The following PTPRC variants were observed in gnomAD, a reference collection of about 807,000 sequenced individuals.
PTPRC encodes the protein protein tyrosine phosphatase receptor type C.
PTPRC carries 44 observed loss-of-function variants against 155.9 expected under a neutral mutation model. The observed-to-expected ratio is 0.28, with a 90% CI of 0.22 to 0.36. The LOEUF (loss-of-function observed/expected upper bound fraction) is 0.36, where lower values mean the gene tolerates loss of function less well. PTPRC is among the 10% of genes least tolerant of loss of function. The pLI, the probability that PTPRC is intolerant of heterozygous loss-of-function variation, is 1.00. For missense variants in PTPRC, 1,401 were observed against 1,564.6 expected (o/e 0.90, Z 1.76); for synonymous variants, 525 against 533.1 (o/e 0.98, Z 0.21).
At chr1:198,699,898 G>T (rs377711817) in intron 5 of PTPRC, 194 bp downstream of exon 5, 3 of 698,176 alleles carry the variant, frequency 4.3e-6, no homozygotes, top group Non-Finnish European at 7.2e-6. Flanking sequence ...AAATAATAGT[G>T]AGAATTGTGA....
intron 2 of PTPRC, among the ~76,000 whole-genome samples, chr1:198,647,715 A>G (rs1297327864): frequency 4.6e-5 from 7 of 152,036 alleles, no homozygotes; most frequent in Admixed American, 3.3e-4. Context: ...CTCAGGATCT[A>G]AAAACTTTTT....
intron 8 of PTPRC, among the ~76,000 whole-genome samples, chr1:198,706,359 T>C (rs1272254086): frequency 1.3e-5 from 2 of 152,222 alleles, no homozygotes; most frequent in Admixed American, 6.5e-5. Context: ...ATTTCTCAAA[T>C]GCATCATTTA....
At chr1:198,666,170 C>G (rs1482650633) in intron 2 of PTPRC, among the ~76,000 whole-genome samples, 1 of 149,674 alleles carries the variant, frequency 6.7e-6, no homozygotes, top group African/African-American at 2.5e-5. Flanking sequence ...GAAATGGATG[C>G]TGCAGTGAGC....
intron 23 of PTPRC, among the ~76,000 whole-genome samples, chr1:198,739,437 A>G (rs1013043079): frequency 5.3e-5 from 8 of 151,816 alleles, no homozygotes; most frequent in Admixed American, 1.3e-4. Context: ...CTATACTTAT[A>G]TAACACAGGT....
At chr1:198,663,586 A>G (rs912618772) in intron 2 of PTPRC, among the ~76,000 whole-genome samples, 2 of 152,210 alleles carry the variant, frequency 1.3e-5, no homozygotes, top group Admixed American at 6.5e-5. Flanking sequence ...TTCTGAATCC[A>G]CAGCTGACCT....
chr1:198,701,123 A>G (rs1260015919), intron 5 of PTPRC, among the ~76,000 whole-genome samples: 3 of 152,244 alleles, frequency 2.0e-5, no homozygotes, highest in Non-Finnish European at 2.9e-5. Flanking sequence ...CTGGGGATCC[A>G]GAGTGGAAAA....
At chr1:198,685,976 A>T (rs1222057393) in intron 2 of PTPRC, among the ~76,000 whole-genome samples, 1 of 150,144 alleles carries the variant, frequency 6.7e-6, no homozygotes, top group East Asian at 1.9e-4. Context: ...GCGGGGAGGG[A>T]GAACGGGTGA....
intron 3 of PTPRC, among the ~76,000 whole-genome samples, chr1:198,695,822 A>G (rs2102381356): frequency 6.6e-6 from 1 of 152,252 alleles, no homozygotes; most frequent in East Asian, 1.9e-4. Flanking sequence ...TCAGTCCTTT[A>G]CACACATTTT....
At chr1:198,639,818 T>C (rs1379232239) in intron 2 of PTPRC, among the ~76,000 whole-genome samples, 2 of 152,078 alleles carry the variant, frequency 1.3e-5, no homozygotes, top group Non-Finnish European at 2.9e-5. Flanking sequence ...ATTTTGAATT[T>C]AATTGACATA....
Position 198,713,198 on chromosome 1 carries a change from C to T in PTPRC, c.1291+126C>T, listed in dbSNP as rs1283542084. 18 of 1,333,064 alleles carry T rather than the reference C, an allele frequency of 1.4e-5. No individual in the cohort carries two copies. The East Asian group carries it at 4.0e-4, about 29-fold the overall frequency. 82.6% of individuals were successfully genotyped at this position (1,333,064 alleles called of 1,614,324 possible). A position where few individuals can be genotyped will look rare whatever the true frequency, so the allele number is the denominator to read the frequency against. ...AGAGACTGCATAGGCATAGTATACT[C>T]CCTGATCTTAGAATTGCTTCCACTC... is the stretch of plus-strand genomic sequence containing the variant. On this transcript the variant is annotated intron_variant, in intron 12 of 32. Coordinates refer to ENST00000442510, the MANE Select transcript of PTPRC (RefSeq NM_002838.5).
chr1:198,655,521 T>C (rs1385587966), intron 2 of PTPRC, among the ~76,000 whole-genome samples: 1 of 152,056 alleles, frequency 6.6e-6, no homozygotes, highest in Non-Finnish European at 1.5e-5. Context: ...GGATTAGGCA[T>C]TTTGGGACAA....
At chr1:198,648,971 T>A (rs756012029) in intron 2 of PTPRC, among the ~76,000 whole-genome samples, 2 of 151,828 alleles carry the variant, frequency 1.3e-5, no homozygotes, top group Non-Finnish European at 2.9e-5. Flanking sequence ...TTAAACACTT[T>A]GATCATGGAA....
chr1:198,706,754 A>G lies in PTPRC; in HGVS notation c.706A>G (p.Thr236Ala). The G allele has an allele frequency of 6.2e-7, 1 of 1,610,236 alleles. No individual in the cohort carries two copies. Among genetic ancestry groups the G allele is most frequent in the Non-Finnish European group, 8.5e-7 (1 of 1,177,626 alleles). The change falls in exon 9 of 33, where the codon ACT (threonine) becomes GCT (alanine). Residue 236 changes from threonine (T) to alanine (A), a missense_variant. Around this residue, in one of 3 missense-constraint regions of PTPRC, gnomAD observed 867 missense variants for 970.4 expected, o/e 0.89. Coordinates refer to ENST00000442510, the MANE Select transcript of PTPRC (RefSeq NM_002838.5). ...TTTAGATGAAAAATATGCAAACATCACTGTGGATTACTTATATAACAAGGA... is the reference window on the plus strand; with the variant it reads ...TTTAGATGAAAAATATGCAAACATCGCTGTGGATTACTTATATAACAAGGA... ...PTCDEKYANI[T>A]VDYLYNKETK... is the part of the protein sequence containing the mutation.
intron 2 of PTPRC, among the ~76,000 whole-genome samples, chr1:198,651,292 T>TTGTGTG (rs67899145): frequency 0.33 from 49,073 of 147,684 alleles, 8,350 homozygotes; most frequent in East Asian, 0.53. Flanking sequence ...CAGATTGGGA[T>TTGTGTG]TGTGTGTGTG....
intron 2 of PTPRC, among the ~76,000 whole-genome samples, chr1:198,652,624 T>A (rs1204402644): frequency 6.6e-6 from 1 of 151,626 alleles, no homozygotes; most frequent in Non-Finnish European, 1.5e-5. Flanking sequence ...GAAATAGCAT[T>A]CCATCTAGGT....
intron 29 of PTPRC, among the ~76,000 whole-genome samples, chr1:198,751,495 T>C (rs1168683397): frequency 6.6e-6 from 1 of 152,022 alleles, no homozygotes; most frequent in Non-Finnish European, 1.5e-5. Flanking sequence ...CACCCTCACC[T>C]GGTCCCCTTC....
chr1:198,729,430 A>T (rs983760340), intron 17 of PTPRC, among the ~76,000 whole-genome samples: 1 of 151,978 alleles, frequency 6.6e-6, no homozygotes, highest in African/African-American at 2.4e-5. Context: ...TTTAGTAGAG[A>T]TGGGATATCA....
chr1:198,655,768 A>G (rs1008242031), intron 2 of PTPRC, among the ~76,000 whole-genome samples: 9 of 152,068 alleles, frequency 5.9e-5, no homozygotes, highest in Admixed American at 2.0e-4. Flanking sequence ...ACAGCAGCAC[A>G]TTTACCCAAC....
chr1:198,722,465 A>G lies in PTPRC; in HGVS notation c.1709A>G (p.His570Arg). Residue 570 changes from histidine (H) to arginine (R), a missense_variant, in exon 15 of 33, where the codon CAT becomes CGT. Physicochemically the swap from His to Arg is conservative, Grantham distance 29 (BLOSUM62 0). Coordinates refer to ENST00000442510, the MANE Select transcript of PTPRC (RefSeq NM_002838.5). ...DYPGEPFILH[H>R]STSYNSKALI... is the part of the protein sequence containing the mutation. Reference sequence around the variant, plus strand: ...CCTGGAGAACCCTTTATTTTACATCATTCAACATCTTGTAAGTTATCACTG... The same window carrying G: ...CCTGGAGAACCCTTTATTTTACATCGTTCAACATCTTGTAAGTTATCACTG... The G allele has an allele frequency of 1.4e-6, 2 of 1,466,070 alleles. No homozygotes were observed. The highest frequency in any genetic ancestry group is 1.8e-6 in the Non-Finnish European group (2 of 1,100,670). 90.8% of individuals were successfully genotyped at this position (1,466,070 alleles called of 1,614,324 possible).
Sources: gnomAD v4.1 joint callset for allele counts (sites outside exome capture counted in the v4.1 genomes callset) on GRCh38, gnomAD v4.1.1 for gene constraint, gnomAD v4.1.1 regional missense constraint, MANE v1.5 for transcripts, NCBI Gene and HGNC (gene_info 2026-07-23, HGNC 2026-07-21) for gene names.